Variants in SNTG1 observed in about 807,000 individuals in gnomAD.
SNTG1 encodes the protein syntrophin gamma 1.
Under a neutral mutation model 74.7 loss-of-function variants are expected in SNTG1, and 39 were observed. The observed-to-expected ratio is 0.52, with a 90% CI of 0.40 to 0.68. The LOEUF (loss-of-function observed/expected upper bound fraction) is 0.68. Among genes scored for constraint, SNTG1 ranks in the 30% least tolerant of loss-of-function variants. The pLI, the probability that SNTG1 is intolerant of heterozygous loss-of-function variation, is 0.00. For missense variants in SNTG1, 685 were observed against 609.5 expected (o/e 1.12, Z -1.30); for synonymous variants, 254 against 217.1 (o/e 1.17, Z -1.49).
At chr8:50,596,086 C>T (rs1027889744) in intron 13 of SNTG1, among the ~76,000 whole-genome samples, 10 of 151,964 alleles carry the variant, frequency 6.6e-5, no homozygotes, top group Admixed American at 2.6e-4. Flanking sequence ...CACATTGACA[C>T]TAGCAGGGTA....
At chr8:50,586,993 A>G (rs2094652974) in intron 12 of SNTG1, among the ~76,000 whole-genome samples, 1 of 152,074 alleles carries the variant, frequency 6.6e-6, no homozygotes, top group Admixed American at 6.6e-5. Context: ...TGAATTTTGT[A>G]TTTATAACTG....
intron 1 of SNTG1, among the ~76,000 whole-genome samples, chr8:50,143,857 G>A (rs1240786410): frequency 1.3e-5 from 2 of 152,168 alleles, no homozygotes; most frequent in East Asian, 1.9e-4. Context: ...TTGGAATACA[G>A]CTACACTCTG....
At chr8:50,578,065 C>T (rs891833024) in intron 12 of SNTG1, among the ~76,000 whole-genome samples, 9 of 152,160 alleles carry the variant, frequency 5.9e-5, no homozygotes, top group African/African-American at 2.2e-4. Context: ...TTTCTGATAA[C>T]ACTTGTTAGG....
At chr8:50,433,890 T>C (rs1261227642) in intron 4 of SNTG1, among the ~76,000 whole-genome samples, 2 of 152,302 alleles carry the variant, frequency 1.3e-5, no homozygotes, top group Non-Finnish European at 1.5e-5. Context: ...TAGATTTTTA[T>C]TTATTTTTTA....
At chr8:50,612,767 C>T (rs1005338892) in intron 13 of SNTG1, among the ~76,000 whole-genome samples, 7 of 152,096 alleles carry the variant, frequency 4.6e-5, no homozygotes, top group Non-Finnish European at 7.4e-5. Context: ...TTTTTCAGGA[C>T]GTAAGAGCAA....
chr8:50,128,964 G>A (rs1176428325), intron 1 of SNTG1, among the ~76,000 whole-genome samples: 2 of 152,074 alleles, frequency 1.3e-5, no homozygotes, highest in Non-Finnish European at 2.9e-5. Flanking sequence ...TTCAGATCAT[G>A]AAATTACTTT....
intron 13 of SNTG1, among the ~76,000 whole-genome samples, chr8:50,623,547 T>C (rs1326320577): frequency 6.6e-6 from 1 of 152,110 alleles, no homozygotes; most frequent in East Asian, 1.9e-4. Context: ...CCAGATTCCA[T>C]GTCCCTGTAT....
At chr8:50,161,741 G>T (rs1164353447) in intron 1 of SNTG1, among the ~76,000 whole-genome samples, 1 of 151,680 alleles carries the variant, frequency 6.6e-6, no homozygotes, top group Non-Finnish European at 1.5e-5. Context: ...CACAAAAAAG[G>T]TATGGAAGAA....
intron 1 of SNTG1, among the ~76,000 whole-genome samples, chr8:50,068,570 G>T (rs1189968854): frequency 6.6e-6 from 1 of 152,190 alleles, no homozygotes; most frequent in Non-Finnish European, 1.5e-5. Context: ...CTTCCCCTGA[G>T]CTAGGTTTTC....
At chr8:50,622,205 A>G (rs2094927751) in intron 13 of SNTG1, among the ~76,000 whole-genome samples, 1 of 152,214 alleles carries the variant, frequency 6.6e-6, no homozygotes, top group African/African-American at 2.4e-5. Context: ...AGTGGAAGAA[A>G]GTTTGTCAAT....
At chr8:50,018,298 T>C (rs901295364) in intron 1 of SNTG1, among the ~76,000 whole-genome samples, 5 of 152,066 alleles carry the variant, frequency 3.3e-5, no homozygotes, top group African/African-American at 4.8e-5. Context: ...CACTGAGGTA[T>C]TGGCATATGG....
At chr8:50,225,137 A>AT (rs1214675986) in intron 2 of SNTG1, among the ~76,000 whole-genome samples, 12 of 151,944 alleles carry the variant, frequency 7.9e-5, no homozygotes, top group African/African-American at 2.4e-4. Context: ...CGTCCAGCTA[A>AT]TTTTTTGTAT....
chr8:50,698,954 C>G (rs1427367760), intron 15 of SNTG1, among the ~76,000 whole-genome samples: 2 of 151,920 alleles, frequency 1.3e-5, no homozygotes, highest in East Asian at 3.9e-4. Context: ...GCTGACTGTT[C>G]TTCTTTTTCT....
chr8:50,002,238 A>G (rs1174281179), intron 1 of SNTG1, among the ~76,000 whole-genome samples: 1 of 152,190 alleles, frequency 6.6e-6, no homozygotes, highest in Non-Finnish European at 1.5e-5. Context: ...CTCCTTCTTC[A>G]GATACAGGAC....
chr8:50,712,094 T>G (rs988984356), intron 17 of SNTG1, among the ~76,000 whole-genome samples: 2 of 152,240 alleles, frequency 1.3e-5, no homozygotes, highest in Admixed American at 1.3e-4. Context: ...CTCATTTAAT[T>G]TGTGAATAAA....
At chr8:50,230,970 G>A (rs566065351) in intron 2 of SNTG1, among the ~76,000 whole-genome samples, 1 of 151,284 alleles carries the variant, frequency 6.6e-6, no homozygotes, top group East Asian at 1.9e-4. Context: ...TTCAGACTGA[G>A]AGAAAATATT....
intron 1 of SNTG1, among the ~76,000 whole-genome samples, chr8:50,043,912 A>G (rs1233912623): frequency 5.3e-5 from 8 of 152,194 alleles, no homozygotes. Context: ...GTCCTTAGTG[A>G]GGACATTTAA....
intron 13 of SNTG1, among the ~76,000 whole-genome samples, chr8:50,646,043 C>G (rs915528223): frequency 6.6e-6 from 1 of 152,098 alleles, no homozygotes; most frequent in Non-Finnish European, 1.5e-5. Flanking sequence ...CTGTTTTAAT[C>G]ATCATCCCTG....
intron 4 of SNTG1, among the ~76,000 whole-genome samples, chr8:50,410,376 T>C (rs2092931742): frequency 2.0e-5 from 3 of 152,160 alleles, no homozygotes; most frequent in Admixed American, 2.0e-4. Context: ...AAATACACGT[T>C]GTCTATATTT....
Sources: allele counts gnomAD v4.1 joint callset (sites outside exome capture counted in the v4.1 genomes callset), GRCh38; gene constraint gnomAD v4.1.1; transcripts MANE v1.5; gene names NCBI Gene and HGNC (gene_info 2026-07-23, HGNC 2026-07-21).